Variants in VPS37A observed in about 807,000 individuals in gnomAD.
VPS37A encodes the protein VPS37A subunit of ESCRT-I.
In VPS37A, 30 loss-of-function variants were observed where a neutral mutation model predicts 49.8. The ratio of observed to expected loss-of-function variants is 0.60; its 90% CI spans 0.45 to 0.82. The LOEUF (loss-of-function observed/expected upper bound fraction) is 0.82. Ranked by LOEUF, VPS37A falls within the 40% of genes least tolerant of loss-of-function variation. The pLI, the probability that VPS37A is intolerant of heterozygous loss-of-function variation, is 0.00. For missense variants in VPS37A, 593 were observed against 464.4 expected, an observed-to-expected ratio of 1.28 and a Z score of -2.55; for synonymous variants, 195 against 160.6, an observed-to-expected ratio of 1.21 and a Z score of -1.62.
At chr8:17,291,227 A>C (rs1586079997) in intron 11 of VPS37A, among the ~76,000 whole-genome samples, 1 of 151,858 alleles carries the variant, frequency 6.6e-6, no homozygotes, top group African/African-American at 2.4e-5. Context: ...TGGCCAGGCT[A>C]GTCTTGAACT....
chr8:17,268,732 T>C, intron 3 of VPS37A, 124 bp from the exon 4 acceptor site: 1 of 691,106 alleles, frequency 1.4e-6, no homozygotes, highest in Non-Finnish European at 2.4e-6. Flanking sequence ...TAATTGCTAA[T>C]ATCCTTTTTC....
At chr8:17,315,926 T>C in the VPS37A span, among the ~76,000 whole-genome samples, 1 of 152,162 alleles carries the variant, frequency 6.6e-6, no homozygotes, top group Non-Finnish European at 1.5e-5. Context: ...GTTGAGAGGA[T>C]CACTTCAACC....
At chr8:17,304,146 C>T (rs2150467151), downstream of VPS37A, among the ~76,000 whole-genome samples, 1 of 152,228 alleles carries the variant, frequency 6.6e-6, no homozygotes, top group South Asian at 2.1e-4. Context: ...TTTATGATAT[C>T]ATTATTATAA....
chr8:17,285,253 C>T (rs184876648), intron 10 of VPS37A, among the ~76,000 whole-genome samples: 10 of 152,152 alleles, frequency 6.6e-5, no homozygotes, highest in African/African-American at 2.2e-4. Context: ...ATAGTTGTTT[C>T]AGAAATGGTA....
At chr8:17,332,840 G>A in the VPS37A span, among the ~76,000 whole-genome samples, 2 of 152,082 alleles carry the variant, frequency 1.3e-5, no homozygotes, top group Admixed American at 1.3e-4. Flanking sequence ...TTAAGTTTTT[G>A]CGTGTTTATC....
the VPS37A span, among the ~76,000 whole-genome samples, chr8:17,313,829 C>T: frequency 6.6e-6 from 1 of 152,164 alleles, no homozygotes; most frequent in Non-Finnish European, 1.5e-5. Context: ...TGTCACCCAA[C>T]CACTTCAGAT....
intron 4 of VPS37A, among the ~76,000 whole-genome samples, chr8:17,272,451 A>G (rs985890788): frequency 6.6e-6 from 1 of 152,150 alleles, no homozygotes; most frequent in African/African-American, 2.4e-5. Flanking sequence ...ATATAAACTC[A>G]TTTACCTTAT....
the VPS37A span, among the ~76,000 whole-genome samples, chr8:17,317,868 C>A: frequency 3.3e-5 from 5 of 152,032 alleles, no homozygotes; most frequent in Non-Finnish European, 7.4e-5. Context: ...ATTTTTGTTT[C>A]CATGACCTCC....
At chr8:17,278,671 G>A (rs1350761083) in intron 6 of VPS37A, among the ~76,000 whole-genome samples, 2 of 152,044 alleles carry the variant, frequency 1.3e-5, no homozygotes, top group Non-Finnish European at 2.9e-5. Context: ...CTGTTACTAA[G>A]ATTATTGAAT....
At chr8:17,277,120 T>A (rs1814587667) in intron 6 of VPS37A, among the ~76,000 whole-genome samples, 1 of 152,042 alleles carries the variant, frequency 6.6e-6, no homozygotes, top group African/African-American at 2.4e-5. Context: ...TTTGCAGTCC[T>A]TTTTGTCTTT....
chr8:17,309,139 A>G, the VPS37A span: 2 of 631,128 alleles, frequency 3.2e-6, no homozygotes, highest in African/African-American at 3.7e-5. Context: ...GATATGACAT[A>G]TACAACAAAA....
chr8:17,324,094 AC>A, the VPS37A span, among the ~76,000 whole-genome samples: 2 of 152,148 alleles, frequency 1.3e-5, no homozygotes, highest in African/African-American at 4.8e-5. Flanking sequence ...AATGTGACTT[AC>A]CCAGGGAAGG....
At chr8:17,279,652 G>A (rs1814848505) in intron 6 of VPS37A, 1 of 332,600 alleles carries the variant, frequency 3.0e-6, no homozygotes, top group South Asian at 2.5e-5. Flanking sequence ...AGAAACCTAA[G>A]CTGAATAAGC....
At chr8:17,261,462 TC>T (rs1207725193) in intron 1 of VPS37A, among the ~76,000 whole-genome samples, 1 of 152,200 alleles carries the variant, frequency 6.6e-6, no homozygotes, top group Non-Finnish European at 1.5e-5. Flanking sequence ...CTCATTAGGG[TC>T]AGTCATTTGT....
intron 11 of VPS37A, among the ~76,000 whole-genome samples, chr8:17,286,859 G>A: frequency 6.6e-6 from 1 of 152,088 alleles, no homozygotes; most frequent in Non-Finnish European, 1.5e-5. Flanking sequence ...ACGACTTGAG[G>A]GTTCTCTTCC....
downstream of VPS37A, among the ~76,000 whole-genome samples, chr8:17,302,703 ACC>A (rs35520166): frequency 0.014 from 140 of 10,354 alleles, 11 homozygotes; most frequent in East Asian, 0.083. Context: ...ATTGGCAATA[ACC>A]CCCCCCCCCC....
In VPS37A at chr8:17,286,330, A is replaced by C. The variant is rs1815583950; in HGVS notation, c.1114-17A>C. ...CTTTGTAAAAGTGACTGGTATTTTC[A>C]AAAATTTATTTTCTAGATTTGCCAC... On this transcript the variant is annotated splice_polypyrimidine_tract_variant and intron_variant, in intron 10 of 11. Transcript: ENST00000324849. 1.2e-6 allele frequency: 2 copies of C among 1,609,774 alleles called. No homozygotes were observed. Among genetic ancestry groups the C allele is most frequent in the South Asian group, 1.1e-5 (1 of 90,476 alleles).
At chr8:17,278,178 T>A (rs1814704520) in intron 6 of VPS37A, among the ~76,000 whole-genome samples, 1 of 152,112 alleles carries the variant, frequency 6.6e-6, no homozygotes, top group Non-Finnish European at 1.5e-5. Flanking sequence ...ATGTCATAAT[T>A]ACTGCATGCT....
At chr8:17,278,791 G>A (rs1170288253) in intron 6 of VPS37A, among the ~76,000 whole-genome samples, 1 of 151,958 alleles carries the variant, frequency 6.6e-6, no homozygotes, top group Admixed American at 6.6e-5. Context: ...TTCTCTGGGT[G>A]TTGATATAAC....
Sources: gnomAD v4.1 joint callset for allele counts (sites outside exome capture counted in the v4.1 genomes callset) on GRCh38, gnomAD v4.1.1 for gene constraint, MANE v1.5 for transcripts, NCBI Gene and HGNC (gene_info 2026-07-23, HGNC 2026-07-21) for gene names.